Variants in KIF24 observed in about 807,000 individuals in gnomAD.
KIF24 encodes kinesin family member 24, also known as kinesin-like protein KIF24.
In KIF24, 81 loss-of-function variants were observed where a neutral mutation model predicts 118.9. That is an observed-to-expected ratio of 0.68 (90% CI 0.57 to 0.82). The LOEUF is 0.82. Ranked by LOEUF, KIF24 falls within the 40% of genes least tolerant of loss-of-function variation. The pLI is 0.00. For synonymous variants in KIF24, 599 were observed against 610.0 expected (o/e 0.98, Z 0.27); for missense variants, 1,560 against 1,661.6 (o/e 0.94, Z 1.06).
chr9:34,325,814 C>T (rs905823242), intron 1 of KIF24, among the ~76,000 whole-genome samples: 2 of 152,038 alleles, frequency 1.3e-5, no homozygotes, highest in Non-Finnish European at 1.5e-5. Flanking sequence ...TTTGTGGTAA[C>T]GGGTGGTAGA....
At chr9:34,304,309 G>C (rs542110082) in intron 3 of KIF24, among the ~76,000 whole-genome samples, 1 of 152,052 alleles carries the variant, frequency 6.6e-6, no homozygotes. Context: ...GTAAGGATTC[G>C]GACCTATGAG....
At chr9:34,258,058 CA>C in intron 10 of KIF24, 77 bp from the exon 11 acceptor site, 6 of 1,114,188 alleles carry the variant, frequency 5.4e-6, no homozygotes, top group Non-Finnish European at 7.8e-6. Context: ...TCTGGGAAAA[CA>C]AAAACCAAAG....
intron 1 of KIF24, among the ~76,000 whole-genome samples, chr9:34,311,779 C>CAT (rs1421567722): frequency 6.8e-6 from 1 of 147,796 alleles, no homozygotes. Flanking sequence ...TATATATACA[C>CAT]ATATATATAC....
chr9:34,313,587 T>C (rs959792063), intron 1 of KIF24, among the ~76,000 whole-genome samples: 5 of 151,298 alleles, frequency 3.3e-5, no homozygotes, highest in African/African-American at 4.8e-5. Flanking sequence ...ACTGGGACTA[T>C]AGGTGTGAGC....
chr9:34,327,584 G>C lies in KIF24; in HGVS notation c.-26+1522C>G, dbSNP rs1485908765. Among the ~76,000 whole-genome samples, 5 of 152,088 alleles carry C rather than the reference G, an allele frequency of 3.3e-5. No individual in the cohort carries two copies. The East Asian group carries it at 9.6e-4, about 29-fold the overall frequency. On this transcript the variant is annotated intron_variant, in intron 1 of 12. Coordinates refer to ENST00000402558, the MANE Select transcript of KIF24 (RefSeq NM_194313.4). Reference sequence around the variant, plus strand: ...GTACGGGGTGAACACTCAATAAATGGTAACTACTACTTTCAGCAGCTAAAA... The same window carrying C: ...GTACGGGGTGAACACTCAATAAATGCTAACTACTACTTTCAGCAGCTAAAA...
rs757745139 is a variant in KIF24 at position 34,326,863 on chromosome 9, C to T, written c.-26+2243G>A. 4.8e-4 allele frequency among the ~76,000 whole-genome samples: 73 copies of T among 152,014 alleles called. 3 individuals carry two copies. The highest frequency in any genetic ancestry group is 3.1e-4 in the Non-Finnish European group (21 of 68,010). Reference sequence around the variant, plus strand: ...TGATTCGTCTTCAAAGTTCACTCTCCCAGTTCTGTGAGGAAATGGATCACA... The same window carrying T: ...TGATTCGTCTTCAAAGTTCACTCTCTCAGTTCTGTGAGGAAATGGATCACA... On this transcript the variant is annotated intron_variant, in intron 1 of 12. Transcript: ENST00000402558.
intron 1 of KIF24, among the ~76,000 whole-genome samples, chr9:34,311,775 T>TAC (rs1335064721): frequency 6.0e-5 from 9 of 149,348 alleles, no homozygotes; most frequent in Non-Finnish European, 1.3e-4. Context: ...TACATATATA[T>TAC]ACACATATAT....
chr9:34,270,599 A>G (rs1158650218), intron 7 of KIF24, among the ~76,000 whole-genome samples: 1 of 130,496 alleles, frequency 7.7e-6, no homozygotes, highest in Non-Finnish European at 1.8e-5. Flanking sequence ...GTGGACCACC[A>G]TACCTAGCTA....
intron 7 of KIF24, 81 bp downstream of exon 7, chr9:34,271,728 A>G (rs561575008): frequency 2.0e-6 from 3 of 1,463,616 alleles, no homozygotes; most frequent in Admixed American, 3.8e-5. Context: ...GTAGCAGGGT[A>G]TCCTGTTGTT....
At chr9:34,307,476 A>C (rs912874952) in intron 2 of KIF24, among the ~76,000 whole-genome samples, 8 of 152,186 alleles carry the variant, frequency 5.3e-5, no homozygotes, top group African/African-American at 1.7e-4. Flanking sequence ...CATGTTTTAA[A>C]GCAAATTTTA....
chr9:34,296,887 T>C, intron 4 of KIF24, 130 bp downstream of exon 4: 1 of 538,476 alleles, frequency 1.9e-6, no homozygotes. Context: ...AGAATCTAAA[T>C]TTATTAGCTC....
In KIF24 at chr9:34,286,694, T is replaced by C. The variant is rs1268279033; in HGVS notation, c.1138A>G (p.Arg380Gly). Residue 380 changes from arginine (R) to glycine (G), a missense_variant, in exon 6 of 13, where the codon AGA (arginine) becomes GGA (glycine). Physicochemically the swap from Arg to Gly is moderately radical, Grantham distance 125 (BLOSUM62 -2). Coordinates refer to ENST00000402558, the MANE Select transcript of KIF24 (RefSeq NM_194313.4). ...LLNRRKRLFA[R>G]EDSKHMVQIV... ...TGCACCATGTGCTTGCTATCTTCTC[T>C]TGCAAAGAGCCTGCAGATGCAAGAA... 2 of 1,612,632 alleles carry C rather than the reference T, an allele frequency of 1.2e-6. No homozygotes were observed. The highest frequency in any genetic ancestry group is 1.7e-5 in the Admixed American group (1 of 59,994).
In KIF24 at chr9:34,256,620, C is replaced by G. The variant is rs563096010; in HGVS notation, c.2987G>C (p.Gly996Ala). The change falls in exon 11 of 13, where the codon GGA becomes GCA. Residue 996 changes from glycine to alanine, a missense_variant. Transcript: ENST00000402558. ...GACTGTGTCTCTTTGGTCTGGGGAT[C>G]CAGGAACTGCAACGTGGGACAATGA... Reference protein sequence around the residue: ...TISLSHVAVPGSPDQRDTVTT... With the variant: ...TISLSHVAVPASPDQRDTVTT... 1.2e-6 allele frequency: 2 copies of G among 1,613,806 alleles called. No homozygotes were observed. Among genetic ancestry groups the G allele is most frequent in the Admixed American group, 3.3e-5 (2 of 59,996 alleles).
chr9:34,255,756 T>C lies in KIF24; in HGVS notation c.3851A>G (p.Gln1284Arg). The C allele has an allele frequency of 3.1e-6, 5 of 1,613,016 alleles. No homozygotes were observed. The highest frequency in any genetic ancestry group is 4.2e-6 in the Non-Finnish European group (5 of 1,179,298). ...CSPKTAGTLR[Q>R]PTLEQAQQVV... The stretch of plus-strand genomic sequence containing the variant: ...TTACTGCGCTTGCTCCAGGGTGGGC[T>C]GACGGAGTGTCCCTGCAGTCTTGGG... The change falls in exon 11 of 13, where the codon CAG (glutamine) becomes CGG (arginine). Residue 1284 changes from glutamine to arginine, a missense_variant. Gln to Arg is a conservative substitution (Grantham distance 43). Around this residue, in one of 3 missense-constraint regions of KIF24, gnomAD observed 591 missense variants for 655.6 expected, o/e 0.90. Coordinates refer to ENST00000402558, the MANE Select transcript of KIF24 (RefSeq NM_194313.4).
rs537148013 is a variant in KIF24, at chr9:34,285,089, T to G, written c.1215+1528A>C. Among the ~76,000 whole-genome samples the G allele has an allele frequency of 9.8e-5, 15 of 152,288 alleles. No homozygotes were observed. In the East Asian group the frequency reaches 2.7e-3, roughly 27 times the overall value. On this transcript the variant is annotated intron_variant, in intron 6 of 12. Coordinates refer to ENST00000402558, the MANE Select transcript of KIF24 (RefSeq NM_194313.4). ...AGTGGGGAACAGGGGAAGTGGGGTA[T>G]GTATAGTAAGTTAGAGGGGCCTTTA...
chr9:34,304,750 A>G (rs1240940655), intron 3 of KIF24, among the ~76,000 whole-genome samples: 1 of 152,198 alleles, frequency 6.6e-6, no homozygotes, highest in African/African-American at 2.4e-5. Context: ...ATCTCTGTGA[A>G]ACACAATTTT....
Position 34,318,706 on chromosome 9 carries a change from G to T in KIF24, c.-25-7335C>A. On this transcript the variant is annotated intron_variant, in intron 1 of 12. Coordinates refer to ENST00000402558, the MANE Select transcript of KIF24 (RefSeq NM_194313.4). The surrounding 1 kb of genome is among the most constrained non-coding windows in gnomAD (Gnocchi z 4.9). ...CCAAGGCAGTGCTGAGTGCCAAGCAGCTGAGCGACGAGGAGGTGCACGCCG... is the reference window on the plus strand; with the variant it reads ...CCAAGGCAGTGCTGAGTGCCAAGCATCTGAGCGACGAGGAGGTGCACGCCG... The T allele has an allele frequency of 6.6e-7, 1 of 1,523,448 alleles. No homozygotes were observed. The highest frequency in any genetic ancestry group is 8.9e-7 in the Non-Finnish European group (1 of 1,120,736). The allele number at this position is 1,523,448 out of a possible 1,614,324, so 94.4% of individuals were successfully genotyped here. A position where few individuals can be genotyped will look rare whatever the true frequency, so the allele number is the denominator to read the frequency against.
chr9:34,290,260 G>A lies in KIF24; in HGVS notation c.1041C>T (p.Ser347=), dbSNP rs769462904. Residue 347 remains serine, a synonymous_variant, in exon 5 of 13, where the codon TCC becomes TCT. Coordinates refer to ENST00000402558, the MANE Select transcript of KIF24 (RefSeq NM_194313.4). ...AKDIFRQLEV[S]QPRKHLFVWI... is the part of the protein sequence containing the mutation. ...ACACAAAGAGGTGCTTTCTTGGCTG[G>A]GACACTTCTAGTTGCCTGAAGATAT... The A allele has an allele frequency of 7.4e-6, 12 of 1,613,738 alleles. No individual in the cohort carries two copies. Among genetic ancestry groups the A allele is most frequent in the Non-Finnish European group, 1.0e-5 (12 of 1,179,844 alleles).
At chr9:34,266,575 G>A (rs1003072285) in intron 8 of KIF24, among the ~76,000 whole-genome samples, 1 of 151,940 alleles carries the variant, frequency 6.6e-6, no homozygotes, top group African/African-American at 2.4e-5. Context: ...CTACTCGGGA[G>A]GCTGAGGCAG....
Sources: allele counts gnomAD v4.1 joint callset (sites outside exome capture counted in the v4.1 genomes callset), GRCh38; gene constraint gnomAD v4.1.1; regional missense constraint gnomAD v4.1.1; non-coding constraint Gnocchi (gnomAD v3.1); transcripts MANE v1.5; gene names NCBI Gene and HGNC (gene_info 2026-07-23, HGNC 2026-07-21).